The following HERC3 variants were observed in gnomAD, a reference collection of about 807,000 sequenced individuals.
HERC3 encodes the protein HECT and RLD domain containing E3 ubiquitin protein ligase 3.
Under a neutral mutation model 129.9 loss-of-function variants are expected in HERC3, and 58 were observed. The observed-to-expected ratio is 0.45, with a 90% CI of 0.36 to 0.56. HERC3 has a LOEUF of 0.56. Ranked by LOEUF, HERC3 falls within the 20% of genes least tolerant of loss-of-function variation. The pLI is 0.00. For synonymous variants in HERC3, 430 were observed against 451.0 expected, an observed-to-expected ratio of 0.95 and a Z score of 0.59; for missense variants, 835 against 1,244.2, an observed-to-expected ratio of 0.67 and a Z score of 4.95.
Position 88,605,775 on chromosome 4 carries a change from T to G in HERC3, c.-29-20T>G. On this transcript the variant is annotated intron_variant, in intron 2 of 25. Transcript: ENST00000402738. The stretch of plus-strand genomic sequence containing the variant: ...TATTTCTTTTTAATTAAAAAATAAT[T>G]TTTTTAAACTCTCTCCTAGGCTACA... 1 of 1,455,362 alleles carries G rather than the reference T, an allele frequency of 6.9e-7. No homozygotes were observed. Among genetic ancestry groups the G allele is most frequent in the Non-Finnish European group, 9.5e-7 (1 of 1,054,200 alleles). 90.2% of individuals were successfully genotyped at this position (1,455,362 alleles called of 1,614,324 possible).
the HERC3 span, among the ~76,000 whole-genome samples, chr4:88,543,959 T>C: frequency 6.6e-6 from 1 of 152,152 alleles, no homozygotes; most frequent in East Asian, 1.9e-4. Context: ...TCTAAAACCA[T>C]AAAAACCCTA....
intron 2 of HERC3, among the ~76,000 whole-genome samples, chr4:88,605,197 C>T (rs554664152): frequency 6.6e-6 from 1 of 152,146 alleles, no homozygotes; most frequent in African/African-American, 2.4e-5. Context: ...TGCAACAATC[C>T]CAGAGTCTCT....
intron 23 of HERC3, chr4:88,693,024 A>C (rs1463985765): frequency 3.1e-6 from 3 of 979,656 alleles, no homozygotes; most frequent in Non-Finnish European, 3.6e-6. Flanking sequence ...GAATGTCTGA[A>C]TTTTTAAACT....
the HERC3 span, among the ~76,000 whole-genome samples, chr4:88,569,090 C>T: frequency 6.6e-6 from 1 of 152,172 alleles, no homozygotes; most frequent in African/African-American, 2.4e-5. Flanking sequence ...TATTTAAGAC[C>T]TCAGAGCACT....
chr4:88,665,995 A>T (rs1731006668), intron 12 of HERC3, among the ~76,000 whole-genome samples: 1 of 152,204 alleles, frequency 6.6e-6, no homozygotes, highest in African/African-American at 2.4e-5. Flanking sequence ...TGCTATTGGC[A>T]TCCAGTGGGT....
At chr4:88,667,867 C>G in intron 13 of HERC3, 25 bp from the exon 14 acceptor site, 2 of 1,546,282 alleles carry the variant, frequency 1.3e-6, no homozygotes, top group South Asian at 1.1e-5. Flanking sequence ...GTTTGAATTT[C>G]TCATTACTCT....
At chr4:88,672,111 A>G (rs1190054625) in intron 16 of HERC3, among the ~76,000 whole-genome samples, 1 of 152,204 alleles carries the variant, frequency 6.6e-6, no homozygotes, top group African/African-American at 2.4e-5. Flanking sequence ...AGTAAAAGTC[A>G]ATTCTTCTGA....
At chr4:88,682,429 G>A (rs1436033839) in intron 21 of HERC3, among the ~76,000 whole-genome samples, 7 of 151,380 alleles carry the variant, frequency 4.6e-5, no homozygotes, top group South Asian at 2.1e-4. Context: ...CCATTAACTC[G>A]TCATTTAACA....
intron 2 of HERC3, among the ~76,000 whole-genome samples, chr4:88,600,796 A>G (rs1463678263): frequency 6.6e-6 from 1 of 151,938 alleles, no homozygotes; most frequent in African/African-American, 2.4e-5. Flanking sequence ...TAACTCATGC[A>G]TGAAAGAAAC....
At chr4:88,581,997 C>G in the HERC3 span, among the ~76,000 whole-genome samples, 1 of 152,106 alleles carries the variant, frequency 6.6e-6, no homozygotes, top group African/African-American at 2.4e-5. Context: ...CACTTGATGT[C>G]TAACTGAAAT....
intron 3 of HERC3, among the ~76,000 whole-genome samples, chr4:88,638,226 C>G (rs1484850292): frequency 6.6e-6 from 1 of 152,220 alleles, no homozygotes; most frequent in African/African-American, 2.4e-5. Context: ...AGGGACTCCT[C>G]TCTAACTAAT....
intron 3 of HERC3, among the ~76,000 whole-genome samples, chr4:88,643,379 T>C (rs1374639240): frequency 6.6e-6 from 1 of 152,200 alleles, no homozygotes; most frequent in Non-Finnish European, 1.5e-5. Flanking sequence ...TTTGTAGATA[T>C]AGACAAGCCA....
At chr4:88,679,906 A>G (rs558264648) in intron 19 of HERC3, among the ~76,000 whole-genome samples, 187 bp from the exon 20 acceptor site, 47 of 152,336 alleles carry the variant, frequency 3.1e-4, no homozygotes, top group Admixed American at 2.7e-3. Context: ...GTATGTATCT[A>G]TAAGTACCTT....
At chr4:88,575,810 T>C in the HERC3 span, among the ~76,000 whole-genome samples, 2 of 152,210 alleles carry the variant, frequency 1.3e-5, no homozygotes, top group African/African-American at 2.4e-5. Flanking sequence ...GTGGTTAGGA[T>C]GTTACAGAAC....
At chr4:88,558,570 G>C in the HERC3 span, among the ~76,000 whole-genome samples, 1 of 152,020 alleles carries the variant, frequency 6.6e-6, no homozygotes, top group Non-Finnish European at 1.5e-5. Context: ...TTGGGTGATG[G>C]GTGCACTAAA....
At chr4:88,613,605 T>A (rs1308274736) in intron 3 of HERC3, among the ~76,000 whole-genome samples, 3 of 152,228 alleles carry the variant, frequency 2.0e-5, no homozygotes, top group Non-Finnish European at 4.4e-5. Context: ...CAGCTCTTGC[T>A]GAAAAGCAAA....
chr4:88,612,259 C>T (rs139531661), intron 3 of HERC3, among the ~76,000 whole-genome samples: 312 of 151,248 alleles, frequency 2.1e-3, no homozygotes, highest in African/African-American at 6.5e-3. Context: ...TTCTGTACTT[C>T]TCACATTAGC....
intron 2 of HERC3, among the ~76,000 whole-genome samples, chr4:88,599,852 A>G (rs1463658601): frequency 6.6e-6 from 1 of 152,216 alleles, no homozygotes. Context: ...AGCGGGTCAG[A>G]TAGCCAGGTT....
chr4:88,694,665 G>C (rs1184899974), intron 23 of HERC3, among the ~76,000 whole-genome samples: 1 of 152,168 alleles, frequency 6.6e-6, no homozygotes, highest in Non-Finnish European at 1.5e-5. Flanking sequence ...GATCCAGTTT[G>C]AGTTTTGATT....
Sources: gnomAD v4.1 joint callset for allele counts (sites outside exome capture counted in the v4.1 genomes callset) on GRCh38, gnomAD v4.1.1 for gene constraint, MANE v1.5 for transcripts, NCBI Gene and HGNC (gene_info 2026-07-23, HGNC 2026-07-21) for gene names.